LTBP1: variants seen among roughly 807,000 people sequenced by gnomAD.
LTBP1 encodes the protein latent transforming growth factor beta binding protein 1.
A neutral mutation model predicts 207.6 loss-of-function variants in LTBP1; 129 were observed. That is an observed-to-expected ratio of 0.62 (90% CI 0.54 to 0.72). The LOEUF (loss-of-function observed/expected upper bound fraction) is 0.72, where lower values mean the gene tolerates loss of function less well. Ranked by LOEUF, LTBP1 falls within the 30% of genes least tolerant of loss-of-function variation. LTBP1 has a pLI of 0.00. For missense variants in LTBP1, 2,281 were observed against 2,217.2 expected (o/e 1.03, Z -0.58); for synonymous variants, 963 against 833.7 (o/e 1.16, Z -2.67).
chr2:33,132,519 C>T (rs1348008046), intron 4 of LTBP1, among the ~76,000 whole-genome samples: 1 of 152,164 alleles, frequency 6.6e-6, no homozygotes, highest in Non-Finnish European at 1.5e-5. Context: ...GTCCTTTTCG[C>T]CTACAATCCT....
intron 2 of LTBP1, among the ~76,000 whole-genome samples, chr2:32,979,090 T>G (rs1352409704): frequency 6.6e-6 from 1 of 151,812 alleles, no homozygotes; most frequent in Non-Finnish European, 1.5e-5. Flanking sequence ...TCTCCTCTTT[T>G]TTCTTAGTTT....
chr2:33,182,701 C>CATATATATATATATATATATATAT (rs1558769812), intron 5 of LTBP1, among the ~76,000 whole-genome samples: 2 of 42,642 alleles, frequency 4.7e-5, no homozygotes, highest in African/African-American at 1.9e-4. Context: ...TATATATATA[C>CATATATATATATATATATATATAT]ACACACACAC....
chr2:33,016,192 C>T (rs1688354438), intron 2 of LTBP1, among the ~76,000 whole-genome samples: 1 of 152,052 alleles, frequency 6.6e-6, no homozygotes, highest in East Asian at 1.9e-4. Context: ...TGTGCAGAGA[C>T]AAGGAGGTGG....
intron 5 of LTBP1, among the ~76,000 whole-genome samples, chr2:33,172,986 C>T (rs1387583051): frequency 6.6e-6 from 1 of 152,060 alleles, no homozygotes; most frequent in African/African-American, 2.4e-5. Context: ...ACCAGAATCT[C>T]TGGGACACAT....
At chr2:33,014,608 G>A (rs1415472692) in intron 2 of LTBP1, among the ~76,000 whole-genome samples, 1 of 152,194 alleles carries the variant, frequency 6.6e-6, no homozygotes, top group Non-Finnish European at 1.5e-5. Flanking sequence ...CACACTGTTT[G>A]CACTGTGTGG....
intron 25 of LTBP1, 128 bp downstream of exon 25, chr2:33,343,091 A>G (rs2094650589): frequency 2.6e-6 from 3 of 1,165,140 alleles, no homozygotes; most frequent in South Asian, 1.7e-5. Flanking sequence ...TTGTCATACA[A>G]TTTGAGGATG....
chr2:32,990,219 A>G (rs1360571106), intron 2 of LTBP1, among the ~76,000 whole-genome samples: 1 of 152,248 alleles, frequency 6.6e-6, no homozygotes, highest in African/African-American at 2.4e-5. Context: ...CGCAATTGAC[A>G]GAGGCCTCTG....
chr2:33,274,451 G>A (rs938577679), intron 16 of LTBP1, among the ~76,000 whole-genome samples: 7 of 152,006 alleles, frequency 4.6e-5, no homozygotes, highest in African/African-American at 1.7e-4. Context: ...TTGCTGTTTG[G>A]TGTGTGTGTA....
chr2:33,183,966 A>G (rs983553433), intron 5 of LTBP1, among the ~76,000 whole-genome samples: 6 of 148,044 alleles, frequency 4.1e-5, no homozygotes, highest in African/African-American at 1.5e-4. Context: ...AATTTTTCCA[A>G]CTCTCTCCTC....
intron 19 of LTBP1, among the ~76,000 whole-genome samples, chr2:33,283,571 G>A (rs1215155667): frequency 6.6e-6 from 1 of 151,422 alleles, no homozygotes; most frequent in Non-Finnish European, 1.5e-5. Context: ...TGAGTAACTG[G>A]GACTACAGGC....
At chr2:33,393,683 G>A (rs2095335889) in intron 32 of LTBP1, among the ~76,000 whole-genome samples, 1 of 152,080 alleles carries the variant, frequency 6.6e-6, no homozygotes, top group African/African-American at 2.4e-5. Context: ...TCTTAATCCA[G>A]TCTATTATTG....
intron 5 of LTBP1, among the ~76,000 whole-genome samples, chr2:33,143,009 C>T (rs777747136): frequency 6.6e-6 from 1 of 152,208 alleles, no homozygotes; most frequent in Non-Finnish European, 1.5e-5. Flanking sequence ...GGCTCCACGG[C>T]ATTCACTTTG....
chr2:32,947,877 A>AC, intron 1 of LTBP1, 59 bp downstream of exon 1: 1 of 1,259,216 alleles, frequency 7.9e-7, no homozygotes, highest in Non-Finnish European at 1.0e-6. Context: ...CCGCGGAGGG[A>AC]CCTGCGGGGT....
chr2:32,967,045 T>C (rs1440069256), intron 2 of LTBP1, among the ~76,000 whole-genome samples: 1 of 152,140 alleles, frequency 6.6e-6, no homozygotes, highest in African/African-American at 2.4e-5. Context: ...AATTTCTCGG[T>C]TTTGGCAGAT....
At chr2:33,056,487 A>T (rs1445918994) in intron 3 of LTBP1, 2 of 808,034 alleles carry the variant, frequency 2.5e-6, no homozygotes, top group South Asian at 2.2e-5. Context: ...ATGAGGGATG[A>T]TGCGCGTCTT....
chr2:33,151,206 G>T (rs935367710), intron 5 of LTBP1, among the ~76,000 whole-genome samples: 1 of 152,104 alleles, frequency 6.6e-6, no homozygotes, highest in Non-Finnish European at 1.5e-5. Context: ...ATGTTGCTAT[G>T]AGCCCTGATG....
At position 33,017,948 on chromosome 2, in the gene LTBP1, T is replaced by A. The variant is rs186245250; in HGVS notation, c.566-2961T>A. On this transcript the variant is annotated intron_variant, in intron 2 of 33. Coordinates refer to ENST00000404816, the MANE Select transcript of LTBP1 (RefSeq NM_206943.4). ...AGTTAGGGAATCTGTCCTCCTCCAG[T>A]TCAATCCAGCCCCTCCTCATCTCCG... 8.5e-5 allele frequency among the ~76,000 whole-genome samples: 13 copies of A among 152,290 alleles called. No homozygotes were observed. In the East Asian group the frequency reaches 2.3e-3, roughly 27 times the overall value.
chr2:33,016,541 T>G (rs1688404184), intron 2 of LTBP1, among the ~76,000 whole-genome samples: 1 of 152,070 alleles, frequency 6.6e-6, no homozygotes, highest in African/African-American at 2.4e-5. Context: ...GGCCTGGGTT[T>G]GGGGAGTTTT....
intron 11 of LTBP1, 131 bp from the exon 12 acceptor site, chr2:33,257,153 C>A: frequency 1.5e-6 from 1 of 660,782 alleles, no homozygotes; most frequent in African/African-American, 1.8e-5. Context: ...CATTTTGCAC[C>A]TGTTTTTGAA....
Sources: gnomAD v4.1 joint callset for allele counts (sites outside exome capture counted in the v4.1 genomes callset) on GRCh38, gnomAD v4.1.1 for gene constraint, MANE v1.5 for transcripts, NCBI Gene and HGNC (gene_info 2026-07-23, HGNC 2026-07-21) for gene names.